SERTAD2: variants seen among roughly 807,000 people sequenced by gnomAD.
The protein encoded by SERTAD2 is SERTA domain containing 2.
In SERTAD2, 2 loss-of-function variants were observed where a neutral mutation model predicts 15.4. That is an observed-to-expected ratio of 0.13 (90% CI 0.05 to 0.41). The LOEUF (loss-of-function observed/expected upper bound fraction) is 0.41, where lower values mean the gene tolerates loss of function less well. Among genes scored for constraint, SERTAD2 ranks in the 10% least tolerant of loss-of-function variants. The pLI is 0.99. For synonymous variants in SERTAD2, 180 were observed against 178.0 expected, an observed-to-expected ratio of 1.01 and a Z score of -0.09; for missense variants, 333 against 409.7, an observed-to-expected ratio of 0.81 and a Z score of 1.62.
chr2:64,640,016 G>C (rs1674737437), intron 1 of SERTAD2, among the ~76,000 whole-genome samples: 1 of 152,126 alleles, frequency 6.6e-6, no homozygotes, highest in African/African-American at 2.4e-5. Context: ...ACGGACCCCT[G>C]ATGAAGTGTA....
chr2:64,636,389 G>T lies in SERTAD2; in HGVS notation c.483C>A (p.Ala161=), dbSNP rs761982934. The T allele has an allele frequency of 4.3e-6, 7 of 1,614,090 alleles. No individual in the cohort carries two copies. In the African/African-American group the frequency reaches 6.7e-5, roughly 15 times the overall value. The change falls in exon 2 of 2, where the codon GCC becomes GCA. Residue 161 remains alanine, a synonymous_variant. Coordinates refer to ENST00000313349, the MANE Select transcript of SERTAD2 (RefSeq NM_014755.3). ...AGAAACTGTCCTTTTCTGGCAAGAG[G>T]GCTGGAGGTGACAGTTTGGTGGGAG... is the stretch of plus-strand genomic sequence containing the variant. ...PTAPTKLSPP[A]LLPEKDSFSS...
intron 1 of SERTAD2, among the ~76,000 whole-genome samples, chr2:64,640,210 T>A (rs1050881120): frequency 3.3e-5 from 5 of 152,232 alleles, no homozygotes; most frequent in Admixed American, 2.6e-4. Flanking sequence ...TAAGTTTGCC[T>A]GACACACTGC....
intron 1 of SERTAD2, among the ~76,000 whole-genome samples, chr2:64,650,846 T>C (rs2104354042): frequency 6.6e-6 from 1 of 152,350 alleles, no homozygotes; most frequent in East Asian, 1.9e-4. Flanking sequence ...TGAGAGCTGG[T>C]GTCACCCTTA....
At chr2:64,649,892 T>C (rs1674974252) in intron 1 of SERTAD2, among the ~76,000 whole-genome samples, 1 of 152,220 alleles carries the variant, frequency 6.6e-6, no homozygotes, top group Non-Finnish European at 1.5e-5. Flanking sequence ...CACCCCTTGA[T>C]CTGCTGTCCC....
At chr2:64,640,606 T>G (rs545304447) in intron 1 of SERTAD2, among the ~76,000 whole-genome samples, 2 of 151,490 alleles carry the variant, frequency 1.3e-5, no homozygotes, top group East Asian at 1.9e-4. Flanking sequence ...GCTAAGGACG[T>G]GTAGGTGACT....
chr2:64,637,282 T>C (rs1674681393), intron 1 of SERTAD2, among the ~76,000 whole-genome samples: 1 of 152,238 alleles, frequency 6.6e-6, no homozygotes, highest in Non-Finnish European at 1.5e-5. Flanking sequence ...AGAAAACACT[T>C]ACAATGCTAT....
intron 1 of SERTAD2, among the ~76,000 whole-genome samples, chr2:64,646,894 C>A (rs945195598): frequency 1.3e-5 from 2 of 152,198 alleles, no homozygotes; most frequent in African/African-American, 2.4e-5. Flanking sequence ...GTGGGGCTTG[C>A]AACATGGACT....
At chr2:64,648,082 C>T (rs977578068) in intron 1 of SERTAD2, among the ~76,000 whole-genome samples, 8 of 152,142 alleles carry the variant, frequency 5.3e-5, no homozygotes, top group South Asian at 4.1e-4. Flanking sequence ...TTGTATTGTA[C>T]GGCCTAAACT....
At chr2:64,651,219 C>T (rs779087451) in intron 1 of SERTAD2, among the ~76,000 whole-genome samples, 6 of 152,128 alleles carry the variant, frequency 3.9e-5, no homozygotes, top group Admixed American at 3.9e-4. Flanking sequence ...CAAGAAACCA[C>T]AGCAAAAGAA....
intron 1 of SERTAD2, among the ~76,000 whole-genome samples, chr2:64,641,699 G>C (rs1008334378): frequency 6.6e-6 from 1 of 152,210 alleles, no homozygotes; most frequent in Non-Finnish European, 1.5e-5. Flanking sequence ...GGGAGGGTCT[G>C]AGGAATGGGA....
chr2:64,636,928 C>A, intron 1 of SERTAD2, 53 bp from the exon 2 acceptor site: 1 of 1,315,120 alleles, frequency 7.6e-7, no homozygotes, highest in South Asian at 1.4e-5. Context: ...GCTGATTTCT[C>A]CCATAAAAAA....
chr2:64,638,320 GGCCCAGT>G (rs1274442710), intron 1 of SERTAD2, among the ~76,000 whole-genome samples: 3 of 152,334 alleles, frequency 2.0e-5, no homozygotes, highest in Admixed American at 2.0e-4. Context: ...CATTTGGCCA[GGCCCAGT>G]GGGGAGTCCC....
chr2:64,645,944 TA>T (rs5831712), intron 1 of SERTAD2, among the ~76,000 whole-genome samples: 136,136 of 152,070 alleles, frequency 0.9, 61,009 homozygotes, highest in East Asian at 0.92. Context: ...ACACTTGATT[TA>T]AAAAAAAATT....
At chr2:64,652,861 GAAAAC>G (rs1271492237) in intron 1 of SERTAD2, among the ~76,000 whole-genome samples, 217 of 152,262 alleles carry the variant, frequency 1.4e-3, no homozygotes, top group South Asian at 4.2e-4. Flanking sequence ...TTATAGCCAA[GAAAAC>G]AAAACAAAAT....
rs184379200 is a variant in SERTAD2 at position 64,649,301 on chromosome 2, C to A, written c.-5+4319G>T. 1.4e-4 allele frequency among the ~76,000 whole-genome samples: 21 copies of A among 152,298 alleles called. No individual in the cohort carries two copies. In the East Asian group the frequency reaches 1.9e-3, roughly 14 times the overall value. ...TGCATGGCGTGGAATGATAAGCAGC[C>A]GGCCGGAGCAGAGGCAAGCAAAGCG... On this transcript the variant is annotated intron_variant, in intron 1 of 1. Coordinates refer to ENST00000313349, the MANE Select transcript of SERTAD2 (RefSeq NM_014755.3).
At chr2:64,653,319 C>T (rs950138711) in intron 1 of SERTAD2, among the ~76,000 whole-genome samples, 1 of 152,084 alleles carries the variant, frequency 6.6e-6, no homozygotes. Flanking sequence ...CAGCTCCAGG[C>T]GCCCCCGCCC....
intron 1 of SERTAD2, among the ~76,000 whole-genome samples, chr2:64,653,178 T>C (rs1237975754): frequency 2.0e-5 from 3 of 152,112 alleles, no homozygotes; most frequent in African/African-American, 7.2e-5. Flanking sequence ...GTAAGTTGGA[T>C]GCAAACCCGG....
chr2:64,641,625 C>T (rs1674780518), intron 1 of SERTAD2, among the ~76,000 whole-genome samples: 1 of 152,078 alleles, frequency 6.6e-6, no homozygotes, highest in Admixed American at 6.5e-5. Flanking sequence ...GCAGCCAGGG[C>T]AGCACTGTAA....
rs74868360 is a variant in SERTAD2 at position 64,641,525 on chromosome 2, G to A, written c.-4-4650C>T. Among the ~76,000 whole-genome samples, 1,031 of 152,298 alleles carry A rather than the reference G, an allele frequency of 6.8e-3. 7 individuals are homozygous for A. Among genetic ancestry groups the A allele is most frequent in the Non-Finnish European group, 0.011 (733 of 68,024 alleles). On this transcript the variant is annotated intron_variant, in intron 1 of 1. Transcript: ENST00000313349. The stretch of plus-strand genomic sequence containing the variant: ...TGTTTTGTTCACTTCTGTACCCTCA[G>A]CATAAGGTAGTCTCCAACACAAGAT...
Sources: gnomAD v4.1 joint callset for allele counts (sites outside exome capture counted in the v4.1 genomes callset) on GRCh38, gnomAD v4.1.1 for gene constraint, MANE v1.5 for transcripts, NCBI Gene and HGNC (gene_info 2026-07-23, HGNC 2026-07-21) for gene names.